The following LINGO2 variants were observed in gnomAD, a reference collection of about 807,000 sequenced individuals.
LINGO2 encodes the protein leucine rich repeat and Ig domain containing 2.
A neutral mutation model predicts 30.6 loss-of-function variants in LINGO2; 14 were observed. The ratio of observed to expected loss-of-function variants is 0.46; its 90% CI spans 0.30 to 0.72. The LOEUF is 0.72. Ranked by LOEUF, LINGO2 falls within the 30% of genes least tolerant of loss-of-function variation. The pLI is 0.07. For missense variants in LINGO2, 729 were observed against 751.7 expected (o/e 0.97, Z 0.35); for synonymous variants, 317 against 288.5 (o/e 1.10, Z -1.00).
chr9:28,081,258 G>A (rs1474411420), intron 4 of LINGO2, among the ~76,000 whole-genome samples: 1 of 149,086 alleles, frequency 6.7e-6, no homozygotes, highest in Non-Finnish European at 1.5e-5. Flanking sequence ...GGGAAGGAGA[G>A]GCAAAATCAC....
intron 1 of LINGO2, among the ~76,000 whole-genome samples, chr9:28,633,374 T>C (rs115137177): frequency 2.3e-3 from 345 of 152,220 alleles, no homozygotes; most frequent in African/African-American, 8.0e-3. Context: ...GAAACCGAGA[T>C]GCAAGTGTAA....
At chr9:28,596,446 A>C (rs1349490855) in intron 1 of LINGO2, among the ~76,000 whole-genome samples, 1 of 152,178 alleles carries the variant, frequency 6.6e-6, no homozygotes, top group Non-Finnish European at 1.5e-5. Flanking sequence ...TTCTTAACAA[A>C]TATATTGACT....
chr9:28,077,175 A>C (rs1587816261), intron 4 of LINGO2, among the ~76,000 whole-genome samples: 1 of 152,190 alleles, frequency 6.6e-6, no homozygotes, highest in East Asian at 1.9e-4. Context: ...TGAAATCACA[A>C]GAAAACTGAC....
intron 4 of LINGO2, among the ~76,000 whole-genome samples, chr9:28,158,286 G>A (rs569038611): frequency 6.6e-6 from 1 of 152,258 alleles, no homozygotes; most frequent in Non-Finnish European, 1.5e-5. Flanking sequence ...GCACGGGAAA[G>A]GCTTGCCCCT....
intron 1 of LINGO2, among the ~76,000 whole-genome samples, chr9:28,651,189 A>G (rs1828088107): frequency 6.6e-6 from 1 of 152,076 alleles, no homozygotes; most frequent in Non-Finnish European, 1.5e-5. Flanking sequence ...TCTCAAAAAA[A>G]AAAAAAGAAA....
Position 28,054,757 on chromosome 9 carries a change from T to A in LINGO2, c.-86-42352A>T, listed in dbSNP as rs140876036. On this transcript the variant is annotated intron_variant, in intron 4 of 5. Transcript: ENST00000379992. The stretch of plus-strand genomic sequence containing the variant: ...CTTATATTGATATCCACAAATACCA[T>A]ATTATAAGTGATCATATTCCAGGCT... Among the ~76,000 whole-genome samples, 219 of 152,142 alleles carry A rather than the reference T, an allele frequency of 1.4e-3. 2 individuals carry two copies. Among genetic ancestry groups the A allele is most frequent in the African/African-American group, 5.0e-3 (209 of 41,494 alleles).
At chr9:28,146,567 T>C (rs1299597141) in intron 4 of LINGO2, among the ~76,000 whole-genome samples, 5 of 152,208 alleles carry the variant, frequency 3.3e-5, no homozygotes, top group African/African-American at 9.6e-5. Context: ...AAAATCTTTT[T>C]TTTTTTAACT....
At chr9:28,499,264 T>C (rs1392345040) in intron 1 of LINGO2, among the ~76,000 whole-genome samples, 5 of 152,178 alleles carry the variant, frequency 3.3e-5, no homozygotes, top group African/African-American at 1.2e-4. Flanking sequence ...AAGTAGAATA[T>C]GGGGAATTAG....
At chr9:28,672,516 A>G (rs1190639375), upstream of LINGO2, among the ~76,000 whole-genome samples, 1 of 152,206 alleles carries the variant, frequency 6.6e-6, no homozygotes, top group African/African-American at 2.4e-5. Flanking sequence ...ATTGGCTTAC[A>G]TATTGGATAT....
the LINGO2 span, among the ~76,000 whole-genome samples, chr9:28,765,801 C>T: frequency 6.6e-6 from 1 of 151,936 alleles, no homozygotes; most frequent in East Asian, 1.9e-4. Flanking sequence ...TCTCTGATAT[C>T]TCATAGCAGC....
At chr9:29,130,277 T>C in the LINGO2 span, among the ~76,000 whole-genome samples, 888 of 152,242 alleles carry the variant, frequency 5.8e-3, 7 homozygotes, top group African/African-American at 0.021. Flanking sequence ...AATGAAGTTA[T>C]AATGGTTATC....
the LINGO2 span, among the ~76,000 whole-genome samples, chr9:28,983,318 C>CAA: frequency 8.6e-4 from 113 of 130,960 alleles, no homozygotes; most frequent in Middle Eastern, 3.9e-3. Context: ...ATGAGGTATC[C>CAA]AAAAAAAAAA....
the LINGO2 span, among the ~76,000 whole-genome samples, chr9:28,789,401 A>G: frequency 2.0e-5 from 3 of 152,206 alleles, no homozygotes; most frequent in Non-Finnish European, 4.4e-5. Context: ...TTTATCTGAA[A>G]TATAATAAAC....
At chr9:28,542,899 G>A (rs1298065473) in intron 1 of LINGO2, among the ~76,000 whole-genome samples, 3 of 151,968 alleles carry the variant, frequency 2.0e-5, no homozygotes, top group Non-Finnish European at 4.4e-5. Flanking sequence ...CCACACTCCC[G>A]TAATTCAGGG....
chr9:28,209,428 T>C (rs1820517207), intron 4 of LINGO2, among the ~76,000 whole-genome samples: 1 of 151,920 alleles, frequency 6.6e-6, no homozygotes, highest in African/African-American at 2.4e-5. Context: ...ATACTGCAGG[T>C]GGTCTCATGA....
the LINGO2 span, among the ~76,000 whole-genome samples, chr9:28,952,227 A>T: frequency 6.6e-6 from 1 of 152,138 alleles, no homozygotes; most frequent in Non-Finnish European, 1.5e-5. Context: ...CTTACTCTTA[A>T]GAGTTAAAAT....
intron 5 of LINGO2, among the ~76,000 whole-genome samples, chr9:27,972,375 A>G (rs1820397700): frequency 6.6e-6 from 1 of 152,202 alleles, no homozygotes; most frequent in African/African-American, 2.4e-5. Flanking sequence ...GGGATATAAG[A>G]AAGCTAGACT....
At chr9:29,056,879 T>A in the LINGO2 span, among the ~76,000 whole-genome samples, 2 of 152,186 alleles carry the variant, frequency 1.3e-5, no homozygotes, top group Non-Finnish European at 2.9e-5. Context: ...GTTTGCTTTG[T>A]GGAAGTTCAG....
the LINGO2 span, among the ~76,000 whole-genome samples, chr9:28,865,472 T>C: frequency 6.6e-6 from 1 of 151,954 alleles, no homozygotes; most frequent in African/African-American, 2.4e-5. Context: ...CATTTAGAGT[T>C]TGACATGGGT....
Sources: gnomAD v4.1 joint callset for allele counts (sites outside exome capture counted in the v4.1 genomes callset) on GRCh38, gnomAD v4.1.1 for gene constraint, MANE v1.5 for transcripts, NCBI Gene and HGNC (gene_info 2026-07-23, HGNC 2026-07-21) for gene names.